ITFG1: variants seen among roughly 807,000 people sequenced by gnomAD.
ITFG1 encodes the protein T-cell immunomodulatory protein.
In ITFG1, 34 loss-of-function variants were observed where a neutral mutation model predicts 81.8. The ratio of observed to expected loss-of-function variants is 0.42; its 90% CI spans 0.32 to 0.55. The LOEUF is 0.55. Among genes scored for constraint, ITFG1 ranks in the 20% least tolerant of loss-of-function variants. The pLI is 0.17. For synonymous variants in ITFG1, 285 were observed against 270.6 expected (o/e 1.05, Z -0.52); for missense variants, 672 against 755.4 (o/e 0.89, Z 1.29).
chr16:47,174,230 T>A (rs1412073939), intron 14 of ITFG1, among the ~76,000 whole-genome samples: 1 of 152,204 alleles, frequency 6.6e-6, no homozygotes, highest in Admixed American at 6.5e-5. Flanking sequence ...ATAATTCCCA[T>A]GCATTCTATT....
chr16:47,313,940 T>C, intron 8 of ITFG1, 117 bp from the exon 9 acceptor site: 1 of 502,290 alleles, frequency 2.0e-6, no homozygotes. Context: ...ACAGAAGAAT[T>C]TGACACATGG....
At chr16:47,311,594 A>G (rs936494164) in intron 9 of ITFG1, among the ~76,000 whole-genome samples, 182 bp from the exon 10 acceptor site, 2 of 152,106 alleles carry the variant, frequency 1.3e-5, no homozygotes, top group Admixed American at 1.3e-4. Context: ...TGGGAAAAAA[A>G]AAAGTACTTT....
At position 47,258,625 on chromosome 16, in the gene ITFG1, T is replaced by C. The variant is rs1455313733; in HGVS notation, c.1330+7A>G. 4.2e-6 allele frequency: 5 copies of C among 1,185,986 alleles called. No homozygotes were observed. The highest frequency in any genetic ancestry group is 6.2e-6 in the Non-Finnish European group (5 of 805,860). The allele number at this position is 1,185,986 out of a possible 1,614,324, so 73.5% of individuals were successfully genotyped here. A position where few individuals can be genotyped will look rare whatever the true frequency, so the allele number is the denominator to read the frequency against. On this transcript the variant is annotated splice_region_variant and intron_variant, in intron 12 of 17. Coordinates refer to ENST00000320640, the MANE Select transcript of ITFG1 (RefSeq NM_030790.5). ...AGAACAAAATTAAATGTTAGTACTT[T>C]ACTCACCAATAACTTTAACAAAATA... is the stretch of plus-strand genomic sequence containing the variant.
intron 6 of ITFG1, among the ~76,000 whole-genome samples, chr16:47,418,000 A>T (rs545167732): frequency 4.3e-4 from 65 of 152,310 alleles, no homozygotes; most frequent in African/African-American, 1.5e-3. Flanking sequence ...CAAACAATGT[A>T]TAAGTGTTCT....
intron 10 of ITFG1, chr16:47,263,520 T>C (rs1966236587): frequency 3.4e-6 from 1 of 298,444 alleles, no homozygotes. Context: ...GTGATGTAGC[T>C]GTTTGCATTT....
At chr16:47,316,442 T>C (rs1967360080) in intron 8 of ITFG1, among the ~76,000 whole-genome samples, 1 of 152,242 alleles carries the variant, frequency 6.6e-6, no homozygotes, top group Admixed American at 6.5e-5. Context: ...TCCCTAAATG[T>C]ATCACTGTGC....
chr16:47,421,727 G>A (rs1968952748), intron 6 of ITFG1, among the ~76,000 whole-genome samples: 1 of 151,994 alleles, frequency 6.6e-6, no homozygotes, highest in Non-Finnish European at 1.5e-5. Flanking sequence ...TGTGCACAAC[G>A]TGCAGGTTTG....
intron 10 of ITFG1, among the ~76,000 whole-genome samples, chr16:47,282,296 T>C (rs79518461): frequency 0.011 from 1,740 of 152,176 alleles, 14 homozygotes; most frequent in Non-Finnish European, 0.019. Context: ...CCATCCTCTA[T>C]GTCCATGTGT....
At chr16:47,177,881 A>G (rs1202938314) in intron 14 of ITFG1, among the ~76,000 whole-genome samples, 2 of 152,232 alleles carry the variant, frequency 1.3e-5, no homozygotes, top group Non-Finnish European at 2.9e-5. Context: ...TCCTATATAT[A>G]GAGTACAGTA....
intron 12 of ITFG1, among the ~76,000 whole-genome samples, chr16:47,248,403 A>G (rs1003012259): frequency 6.6e-6 from 1 of 152,224 alleles, no homozygotes; most frequent in African/African-American, 2.4e-5. Flanking sequence ...AGAAAACAAA[A>G]CTAAATAAAT....
chr16:47,304,841 G>A (rs1253337957), intron 10 of ITFG1, among the ~76,000 whole-genome samples: 2 of 152,042 alleles, frequency 1.3e-5, no homozygotes, highest in Non-Finnish European at 2.9e-5. Flanking sequence ...TTCCTTAGGA[G>A]TCATAAAACT....
At position 47,452,792 on chromosome 16, in the gene ITFG1, T is replaced by C; in HGVS notation, c.428-2A>G. On this transcript the variant is annotated splice_acceptor_variant, in intron 3 of 17. Transcript: ENST00000320640. LOFTEE classifies it high-confidence loss of function. ...TGAGTATGGTCATATTGTTAGGATC[T>C]GCAAAAAAGATATATATATATATGA... 1 of 1,510,672 alleles carries C rather than the reference T, an allele frequency of 6.6e-7. No homozygotes were observed. The highest frequency in any genetic ancestry group is 9.1e-7 in the Non-Finnish European group (1 of 1,103,330). The allele number at this position is 1,510,672 out of a possible 1,614,324, so 93.6% of individuals were successfully genotyped here. A position where few individuals can be genotyped will look rare whatever the true frequency, so the allele number is the denominator to read the frequency against.
chr16:47,443,466 C>T (rs1969281913), intron 5 of ITFG1, among the ~76,000 whole-genome samples: 1 of 152,064 alleles, frequency 6.6e-6, no homozygotes, highest in African/African-American at 2.4e-5. Context: ...TATTGCGACA[C>T]TATTCACAAT....
intron 10 of ITFG1, among the ~76,000 whole-genome samples, chr16:47,270,835 A>C (rs534629459): frequency 6.0e-3 from 914 of 152,334 alleles, no homozygotes; most frequent in African/African-American, 0.02. Context: ...TTCCATTAAT[A>C]TAAAATATTA....
chr16:47,436,451 A>T (rs1969167949), intron 5 of ITFG1, among the ~76,000 whole-genome samples: 1 of 152,170 alleles, frequency 6.6e-6, no homozygotes, highest in Admixed American at 6.5e-5. Context: ...AATTAAGCCA[A>T]AGGTAAAATT....
intron 8 of ITFG1, among the ~76,000 whole-genome samples, chr16:47,314,833 A>G (rs1240654705): frequency 6.6e-6 from 1 of 152,186 alleles, no homozygotes; most frequent in East Asian, 1.9e-4. Flanking sequence ...TACACTTGGA[A>G]GAAAATAAAA....
At chr16:47,372,953 C>T (rs932528183) in intron 7 of ITFG1, among the ~76,000 whole-genome samples, 1 of 152,170 alleles carries the variant, frequency 6.6e-6, no homozygotes, top group Non-Finnish European at 1.5e-5. Flanking sequence ...TGCATGCTAA[C>T]CTATCTGATA....
Position 47,269,059 on chromosome 16 carries a change from T to C in ITFG1, c.1071-8364A>G, listed in dbSNP as rs554912997. The stretch of plus-strand genomic sequence containing the variant: ...AGACCTACAGTGAACATCATACTAA[T>C]GGTGGAAGACTGAATGCTGTCCTCC... On this transcript the variant is annotated intron_variant, in intron 10 of 17. Coordinates refer to ENST00000320640, the MANE Select transcript of ITFG1 (RefSeq NM_030790.5). 8.1e-4 allele frequency among the ~76,000 whole-genome samples: 124 copies of C among 152,312 alleles called. 1 individual carries two copies. The highest frequency in any genetic ancestry group is 2.8e-3 in the African/African-American group (117 of 41,572).
At chr16:47,437,665 A>G (rs1268130957) in intron 5 of ITFG1, among the ~76,000 whole-genome samples, 3 of 152,194 alleles carry the variant, frequency 2.0e-5, no homozygotes, top group Non-Finnish European at 4.4e-5. Flanking sequence ...TCATTCAGCT[A>G]TCTTTCTACA....
Sources: allele counts gnomAD v4.1 joint callset (sites outside exome capture counted in the v4.1 genomes callset), GRCh38; gene constraint gnomAD v4.1.1; transcripts MANE v1.5; gene names NCBI Gene and HGNC (gene_info 2026-07-23, HGNC 2026-07-21).